The following SYAP1 variants were observed in gnomAD, a reference collection of about 807,000 sequenced individuals.
The protein encoded by SYAP1 is synapse associated protein 1, also known as synapse-associated protein 1.
Under a neutral mutation model 29.6 loss-of-function variants are expected in SYAP1, and 3 were observed. The observed-to-expected ratio is 0.10, with a 90% confidence interval of 0.05 to 0.26. The LOEUF (loss-of-function observed/expected upper bound fraction) is 0.26, where lower values mean the gene tolerates loss of function less well. SYAP1 is among the 10% of genes least tolerant of loss of function. The pLI, the probability that SYAP1 is intolerant of heterozygous loss-of-function variation, is 1.00. For synonymous variants in SYAP1, 102 were observed against 102.7 expected, an observed-to-expected ratio of 0.99 and a Z score of 0.04; for missense variants, 217 against 264.1, an observed-to-expected ratio of 0.82 and a Z score of 1.24.
chrX:16,733,545 G>A (rs959400493), intron 1 of SYAP1, among the ~76,000 whole-genome samples: 20 of 111,814 alleles, frequency 1.8e-4, no homozygotes, highest in Non-Finnish European at 3.6e-4. Context: ...CATGAGAGGA[G>A]GATGTCAATT....
chrX:16,735,557 T>C (rs1926312195), intron 2 of SYAP1, among the ~76,000 whole-genome samples: 1 of 112,546 alleles, frequency 8.9e-6, no homozygotes, highest in Non-Finnish European at 1.9e-5. Context: ...TGTTTTTATT[T>C]TAATATATTA....
At chrX:16,745,851 T>G (rs892931950) in intron 5 of SYAP1, among the ~76,000 whole-genome samples, 1 of 111,190 alleles carries the variant, frequency 9.0e-6, no homozygotes, top group Non-Finnish European at 1.9e-5. Context: ...TCTTTGTCCT[T>G]GTGTTTTTAT....
intron 5 of SYAP1, among the ~76,000 whole-genome samples, chrX:16,751,302 A>G (rs913416319): frequency 2.8e-5 from 3 of 106,939 alleles, no homozygotes; most frequent in Non-Finnish European, 5.8e-5. Flanking sequence ...AATACAAAAA[A>G]TTAGCCAGGC....
At chrX:16,722,400 C>T (rs1331671600) in intron 1 of SYAP1, among the ~76,000 whole-genome samples, 3 of 109,962 alleles carry the variant, frequency 2.7e-5, no homozygotes, top group African/African-American at 6.6e-5. Flanking sequence ...TGGTGGTGCG[C>T]GCCTATAATC....
chrX:16,746,958 CT>C (rs1336211138), intron 5 of SYAP1, among the ~76,000 whole-genome samples: 3 of 111,760 alleles, frequency 2.7e-5, no homozygotes, highest in Non-Finnish European at 5.6e-5. Flanking sequence ...TAGGAATTGA[CT>C]TTTTTATTTT....
At chrX:16,739,837 C>CA (rs1345344504) in intron 3 of SYAP1, among the ~76,000 whole-genome samples, 1 of 111,403 alleles carries the variant, frequency 9.0e-6, no homozygotes, top group African/African-American at 3.3e-5. Context: ...AGTGTTAAGG[C>CA]AGCAGGAGTG....
At chrX:16,750,682 A>G (rs1198225491) in intron 5 of SYAP1, among the ~76,000 whole-genome samples, 1 of 110,264 alleles carries the variant, frequency 9.1e-6, no homozygotes, top group Non-Finnish European at 1.9e-5. Flanking sequence ...AGGTGTGACA[A>G]CTGTGCATTC....
rs764784834 is a variant in SYAP1, at chrX:16,743,694, A to G, written c.436-7A>G. ...ATACCCTGTGTTTTTTTCTTTTTTT[A>G]TCAAAGGACAAGAGGAATTTCCTTC... On this transcript the variant is annotated splice_region_variant and splice_polypyrimidine_tract_variant and intron_variant, in intron 4 of 8. Coordinates refer to ENST00000380155, the MANE Select transcript of SYAP1 (RefSeq NM_032796.4). 1 of 1,194,193 alleles carries G rather than the reference A, an allele frequency of 8.4e-7. No homozygotes were observed. The highest frequency in any genetic ancestry group is 2.3e-5 in the Admixed American group (1 of 42,604).
At chrX:16,753,198 C>T (rs1033391622) in intron 5 of SYAP1, among the ~76,000 whole-genome samples, 4 of 104,406 alleles carry the variant, frequency 3.8e-5, no homozygotes, top group Non-Finnish European at 5.9e-5. Context: ...GAGCCAAGAT[C>T]GCGCCACTGC....
chrX:16,729,392 A>G (rs1926155097), intron 1 of SYAP1, among the ~76,000 whole-genome samples: 1 of 111,632 alleles, frequency 9.0e-6, no homozygotes, highest in African/African-American at 3.3e-5. Flanking sequence ...TAAGATTTTT[A>G]TAGATCTTTT....
intron 5 of SYAP1, among the ~76,000 whole-genome samples, chrX:16,745,400 G>A (rs1210064306): frequency 8.9e-6 from 1 of 111,857 alleles, no homozygotes; most frequent in Non-Finnish European, 1.9e-5. Flanking sequence ...TTCCACCCTT[G>A]CTGCAGACAA....
intron 4 of SYAP1, 83 bp downstream of exon 4, chrX:16,741,872 AT>A: frequency 1.5e-6 from 1 of 667,792 alleles, no homozygotes; most frequent in Non-Finnish European, 2.3e-6. Flanking sequence ...AGTAGAATTT[AT>A]TTTTCTATAC....
chrX:16,746,297 C>T (rs1269825534), intron 5 of SYAP1, among the ~76,000 whole-genome samples: 2 of 104,113 alleles, frequency 1.9e-5, no homozygotes, highest in Non-Finnish European at 3.9e-5. Flanking sequence ...AGTGCAATGG[C>T]GTGATCTCGG....
At chrX:16,749,973 G>A (rs1446421401) in intron 5 of SYAP1, among the ~76,000 whole-genome samples, 1 of 109,963 alleles carries the variant, frequency 9.1e-6, no homozygotes, top group African/African-American at 3.3e-5. Flanking sequence ...TCATGGGAAG[G>A]CTCATTTCAC....
At chrX:16,737,527 T>C (rs745612095) in intron 3 of SYAP1, among the ~76,000 whole-genome samples, 2 of 112,207 alleles carry the variant, frequency 1.8e-5, no homozygotes, top group East Asian at 5.6e-4. Context: ...CAAGTTAGCA[T>C]CACTTAGTGA....
chrX:16,722,638 T>C (rs1925991104), intron 1 of SYAP1, among the ~76,000 whole-genome samples: 1 of 111,667 alleles, frequency 9.0e-6, no homozygotes, highest in Non-Finnish European at 1.9e-5. Context: ...TGGTGACCTA[T>C]TTATACATTC....
At chrX:16,744,282 T>C (rs963757404) in intron 5 of SYAP1, among the ~76,000 whole-genome samples, 1 of 112,371 alleles carries the variant, frequency 8.9e-6, no homozygotes, top group Admixed American at 9.5e-5. Flanking sequence ...TAGGCTCCAG[T>C]GCATGCATGA....
chrX:16,743,954 G>A lies in SYAP1; in HGVS notation c.575+114G>A, dbSNP rs1269791308. 4.8e-5 allele frequency: 42 copies of A among 877,933 alleles called. No homozygotes were observed. The South Asian group carries it at 5.6e-4, about 12-fold the overall frequency. 72.4% of individuals were successfully genotyped at this position (877,933 alleles called of 1,213,427 possible). A position where few individuals can be genotyped will look rare whatever the true frequency, so the allele number is the denominator to read the frequency against. ...CTATCTGTTCATAAAAGCAGGCCCC[G>A]CAGCCCTTTGGCAGCTCCCCTGGTC... On this transcript the variant is annotated intron_variant, in intron 5 of 8. Transcript: ENST00000380155.
Position 16,763,745 on chromosome X carries a change from G to A in SYAP1, c.*3386G>A, listed in dbSNP as rs1020456718. The A allele has an allele frequency of 9.0e-6, 1 of 111,385 alleles. No individual in the cohort carries two copies. The highest frequency in any genetic ancestry group is 9.7e-5 in the Admixed American group (1 of 10,346). 9.2% of individuals were successfully genotyped at this position (111,385 alleles called of 1,213,427 possible). On this transcript the variant is annotated 3_prime_UTR_variant, in exon 9 of 9. Coordinates refer to ENST00000380155, the MANE Select transcript of SYAP1 (RefSeq NM_032796.4). ...TCCCAGTGATTTAAGATGCACTATT[G>A]TAATCAAGATGATTTGCTTTAATCA...
Sources: gnomAD v4.1 joint callset for allele counts (sites outside exome capture counted in the v4.1 genomes callset) on GRCh38, gnomAD v4.1.1 for gene constraint, MANE v1.5 for transcripts, NCBI Gene and HGNC (gene_info 2026-07-23, HGNC 2026-07-21) for gene names.